CPEB1: variants seen among roughly 807,000 people sequenced by gnomAD.
CPEB1 encodes cytoplasmic polyadenylation element-binding protein 1.
CPEB1 carries 7 observed loss-of-function variants against 65.8 expected under a neutral mutation model. The observed-to-expected ratio is 0.11, with a 90% confidence interval of 0.06 to 0.20. The LOEUF (loss-of-function observed/expected upper bound fraction) is 0.20. Ranked by LOEUF, CPEB1 falls within the 10% of genes least tolerant of loss-of-function variation. CPEB1 has a pLI of 1.00. For synonymous variants in CPEB1, 262 were observed against 260.0 expected (o/e 1.01, Z -0.08); for missense variants, 551 against 712.2 (o/e 0.77, Z 2.58).
At chr15:82,546,160 A>T (rs1439791850) in intron 12 of CPEB1, among the ~76,000 whole-genome samples, 2 of 152,162 alleles carry the variant, frequency 1.3e-5, no homozygotes, top group Non-Finnish European at 2.9e-5. Flanking sequence ...CCCAGGCTGA[A>T]GTGCAGTGGC....
chr15:82,584,125 G>A (rs865789239), intron 3 of CPEB1, among the ~76,000 whole-genome samples: 9 of 152,108 alleles, frequency 5.9e-5, no homozygotes, highest in Middle Eastern at 3.4e-3. Context: ...CAGGCATGGC[G>A]GTGGGCGCCT....
At chr15:82,625,702 G>T (rs986642266) in intron 3 of CPEB1, among the ~76,000 whole-genome samples, 38 of 152,294 alleles carry the variant, frequency 2.5e-4, no homozygotes, top group African/African-American at 9.1e-4. Flanking sequence ...GACCTGCACA[G>T]TCCAACGTAG....
chr15:82,648,133 C>A, upstream of CPEB1: 1 of 355,296 alleles, frequency 2.8e-6, no homozygotes, highest in Non-Finnish European at 5.0e-6. Flanking sequence ...CTCCGCCGCC[C>A]ACCCGGAACC....
intron 3 of CPEB1, among the ~76,000 whole-genome samples, chr15:82,621,004 A>G (rs2045252899): frequency 6.6e-6 from 1 of 152,230 alleles, no homozygotes; most frequent in South Asian, 2.1e-4. Context: ...AATCGTTGCC[A>G]CTTAACTGTT....
intron 3 of CPEB1, among the ~76,000 whole-genome samples, chr15:82,594,671 C>T (rs2042538658): frequency 6.6e-6 from 1 of 152,182 alleles, no homozygotes; most frequent in Admixed American, 6.5e-5. Context: ...CTATTTGGAA[C>T]AAGAGGCCTA....
chr15:82,568,493 G>C (rs1048052764), intron 4 of CPEB1, among the ~76,000 whole-genome samples: 20 of 152,178 alleles, frequency 1.3e-4, no homozygotes, highest in African/African-American at 4.8e-4. Flanking sequence ...AGAAGAGAAG[G>C]ACCCCACAAA....
At chr15:82,618,850 A>G (rs995839296) in intron 3 of CPEB1, among the ~76,000 whole-genome samples, 1 of 152,230 alleles carries the variant, frequency 6.6e-6, no homozygotes, top group Non-Finnish European at 1.5e-5. Flanking sequence ...TTGAATTGGA[A>G]GACTTGTCAA....
Position 82,544,624 on chromosome 15 carries a change from T to A in CPEB1, c.1735A>T (p.Met579Leu). The change falls in exon 13 of 13, where the codon ATG becomes TTG. Residue 579 changes from methionine to leucine, a missense_variant. Physicochemically the swap from Met to Leu is conservative, Grantham distance 15. This residue lies in a region of CPEB1 where 98 missense variants were observed against 157.6 expected (regional missense o/e 0.62). Coordinates refer to ENST00000684509, the MANE Select transcript of CPEB1 (RefSeq NM_001365242.1). ...MEGLRHHSPL[M>L]RNQKNRDSS ...GAATCTCGGTTCTTCTGGTTCCGCA[T>A]CAGGGGGCTGTGGTGGCGCAGGCCC... The A allele has an allele frequency of 1.9e-6, 3 of 1,613,190 alleles. No individual in the cohort carries two copies. The highest frequency in any genetic ancestry group is 2.5e-6 in the Non-Finnish European group (3 of 1,179,836).
intron 3 of CPEB1, among the ~76,000 whole-genome samples, chr15:82,590,336 A>G (rs1394301022): frequency 6.6e-6 from 1 of 151,902 alleles, no homozygotes; most frequent in Non-Finnish European, 1.5e-5. Flanking sequence ...CCTTGGTCAC[A>G]TATTTAAATT....
intron 3 of CPEB1, among the ~76,000 whole-genome samples, chr15:82,572,275 C>T (rs2040154351): frequency 6.6e-6 from 1 of 152,184 alleles, no homozygotes; most frequent in Admixed American, 6.5e-5. Flanking sequence ...GCAGTGTTTA[C>T]CACTGAGGAA....
In CPEB1 at chr15:82,557,831, G is replaced by C; in HGVS notation, c.616C>G (p.Arg206Gly). ...RLDTRPILDSRSSSPSDSDTS... is the reference protein window; with the variant it reads ...RLDTRPILDSGSSSPSDSDTS... ...TCTGAGTCAGAGGGGCTGCTAGATC[G>C]AGAGTCCAGGATGGGCCGGGTGTCC... is the stretch of plus-strand genomic sequence containing the variant. Residue 206 changes from arginine to glycine, a missense_variant, in exon 5 of 13, where the codon CGA becomes GGA. Transcript: ENST00000684509. 6.2e-7 allele frequency: 1 copy of C among 1,614,182 alleles called. No homozygotes were observed. The highest frequency in any genetic ancestry group is 8.5e-7 in the Non-Finnish European group (1 of 1,180,038).
intron 3 of CPEB1, among the ~76,000 whole-genome samples, chr15:82,601,454 T>C (rs1274547663): frequency 6.6e-6 from 1 of 151,884 alleles, no homozygotes; most frequent in Non-Finnish European, 1.5e-5. Context: ...GACAGGACAA[T>C]CGCTTGAAAC....
At chr15:82,578,100 A>G (rs1041772280) in intron 3 of CPEB1, among the ~76,000 whole-genome samples, 4 of 152,182 alleles carry the variant, frequency 2.6e-5, no homozygotes, top group Non-Finnish European at 5.9e-5. Flanking sequence ...AGATCGTGCC[A>G]CTGCACTCCA....
intron 3 of CPEB1, among the ~76,000 whole-genome samples, chr15:82,586,353 A>C (rs1287592437): frequency 6.6e-6 from 1 of 152,030 alleles, no homozygotes; most frequent in Non-Finnish European, 1.5e-5. Context: ...GCCAGTACTT[A>C]TTGTCCTCTA....
intron 4 of CPEB1, among the ~76,000 whole-genome samples, chr15:82,560,460 C>T (rs2038007402): frequency 6.8e-6 from 1 of 147,684 alleles, no homozygotes; most frequent in Middle Eastern, 3.4e-3. Flanking sequence ...AGTGCAGTGG[C>T]TCACTTCAAC....
chr15:82,646,669 G>A (rs2047565854), intron 1 of CPEB1, among the ~76,000 whole-genome samples: 2 of 152,126 alleles, frequency 1.3e-5, no homozygotes, highest in Admixed American at 1.3e-4. Flanking sequence ...TCTCGGTCAC[G>A]GGGTCAACGC....
rs1445206161 is a variant in CPEB1, at chr15:82,544,645, G to A, written c.1714C>T (p.Leu572=). The A allele has an allele frequency of 3.7e-6, 6 of 1,613,398 alleles. No homozygotes were observed. In the Admixed American group the frequency reaches 1.0e-4, roughly 27 times the overall value. ...CWHWRHSMEG[L]RHHSPLMRNQ... is the part of the protein sequence containing the mutation. Reference sequence around the variant, plus strand: ...CGCATCAGGGGGCTGTGGTGGCGCAGGCCCTCCATGCTGTGCCGCCAGTGC... The same window carrying A: ...CGCATCAGGGGGCTGTGGTGGCGCAAGCCCTCCATGCTGTGCCGCCAGTGC... Residue 572 remains leucine (L), a synonymous_variant, in exon 13 of 13, where the codon CTG becomes TTG. Transcript: ENST00000684509.
intron 3 of CPEB1, among the ~76,000 whole-genome samples, chr15:82,573,851 A>G (rs560146391): frequency 6.6e-6 from 1 of 152,302 alleles, no homozygotes; most frequent in East Asian, 1.9e-4. Flanking sequence ...GTGGTGGCTC[A>G]TGCCTATAAT....
At chr15:82,579,918 CAAAAAAAAAAAAAAAAAAAAAA>C (rs59925251) in intron 3 of CPEB1, among the ~76,000 whole-genome samples, 483 of 32,678 alleles carry the variant, frequency 0.015, 9 homozygotes, top group African/African-American at 0.034. Context: ...GACTCCGTCT[CAAAAAAAAAAAAAAAAAAAAAA>C]AAAAAAAAAA....
Sources: allele counts gnomAD v4.1 joint callset (sites outside exome capture counted in the v4.1 genomes callset), GRCh38; gene constraint gnomAD v4.1.1; regional missense constraint gnomAD v4.1.1; transcripts MANE v1.5; gene names NCBI Gene and HGNC (gene_info 2026-07-23, HGNC 2026-07-21).